ATP13A5: variants seen among roughly 807,000 people sequenced by gnomAD.
ATP13A5 encodes the protein probable cation-transporting ATPase 13A5.
In ATP13A5, 149 loss-of-function variants were observed where a neutral mutation model predicts 150.2. The observed-to-expected ratio is 0.99, with a 90% CI of 0.87 to 1.14. ATP13A5 has a LOEUF of 1.14. Among genes scored for constraint, ATP13A5 ranks in the 50% most tolerant of loss-of-function variants. ATP13A5 has a pLI of 0.00. For synonymous variants in ATP13A5, 497 were observed against 522.2 expected (o/e 0.95, Z 0.66); for missense variants, 1,383 against 1,449.3 (o/e 0.95, Z 0.74).
intron 27 of ATP13A5, among the ~76,000 whole-genome samples, chr3:193,281,488 G>A (rs976352131): frequency 2.0e-5 from 3 of 152,168 alleles, no homozygotes; most frequent in African/African-American, 7.2e-5. Flanking sequence ...TGTTAATGCA[G>A]GTGCTTTAGG....
At chr3:193,319,704 G>C (rs181051642) in intron 16 of ATP13A5, among the ~76,000 whole-genome samples, 1 of 152,288 alleles carries the variant, frequency 6.6e-6, no homozygotes, top group Non-Finnish European at 1.5e-5. Context: ...GGTTCAGTAA[G>C]AACAGACCTC....
intron 9 of ATP13A5, among the ~76,000 whole-genome samples, chr3:193,339,165 T>A (rs960307423): frequency 6.6e-6 from 1 of 152,170 alleles, no homozygotes; most frequent in South Asian, 2.1e-4. Flanking sequence ...ATCAATTTTG[T>A]TGATCTTTTC....
At chr3:193,310,831 G>T in intron 20 of ATP13A5, 114 bp from the exon 21 acceptor site, 1 of 682,704 alleles carries the variant, frequency 1.5e-6, no homozygotes, top group Non-Finnish European at 2.4e-6. Context: ...GCATTGGATG[G>T]TATGTCATTA....
chr3:193,320,333 T>G (rs1719216027), intron 16 of ATP13A5, among the ~76,000 whole-genome samples: 1 of 152,178 alleles, frequency 6.6e-6, no homozygotes, highest in East Asian at 1.9e-4. Flanking sequence ...AGTTCTTAGC[T>G]CTCTATTTCT....
chr3:193,287,970 G>C (rs1717787034), intron 26 of ATP13A5, among the ~76,000 whole-genome samples: 1 of 152,102 alleles, frequency 6.6e-6, no homozygotes, highest in Admixed American at 6.6e-5. Context: ...GACTTTTTGG[G>C]GTTCAAGACT....
intron 3 of ATP13A5, among the ~76,000 whole-genome samples, 154 bp downstream of exon 3, chr3:193,363,082 C>T (rs1037049354): frequency 2.0e-5 from 3 of 152,184 alleles, no homozygotes; most frequent in Non-Finnish European, 2.9e-5. Flanking sequence ...GGATTACAGA[C>T]GTGAACGACC....
At chr3:193,321,460 G>T (rs568922012) in intron 16 of ATP13A5, among the ~76,000 whole-genome samples, 1 of 152,084 alleles carries the variant, frequency 6.6e-6, no homozygotes, top group Non-Finnish European at 1.5e-5. Context: ...GTGAAACCCC[G>T]TCTCTACTAA....
At chr3:193,345,524 C>T (rs1365914687) in intron 7 of ATP13A5, among the ~76,000 whole-genome samples, 5 of 152,042 alleles carry the variant, frequency 3.3e-5, no homozygotes, top group Admixed American at 2.6e-4. Flanking sequence ...CTACAGAACT[C>T]GGAAGTGAGG....
In ATP13A5 at chr3:193,279,410, A is replaced by T. The variant is rs1482313543; in HGVS notation, c.3271T>A (p.Phe1091Ile). The T allele has an allele frequency of 1.2e-6, 2 of 1,613,868 alleles. No individual in the cohort carries two copies. Among genetic ancestry groups the T allele is most frequent in the African/African-American group, 2.7e-5 (2 of 74,922 alleles). ...ACTTGAAAGTCAGAAAACAGAATGA[A>T]AATTGTGAGGCCCAAGGCAGCTAGC... ...LLLAALGLTI[F>I]ILFSDFQVIY... is the part of the protein sequence containing the mutation. Residue 1091 changes from phenylalanine to isoleucine, a missense_variant, in exon 28 of 30, where the codon TTC becomes ATC. Phe to Ile is a conservative substitution (Grantham distance 21). Around this residue, in one of 3 missense-constraint regions of ATP13A5, gnomAD observed 568 missense variants for 621.5 expected, o/e 0.91. Transcript: ENST00000342358.
chr3:193,312,472 T>C (rs532511658), intron 19 of ATP13A5, among the ~76,000 whole-genome samples: 3 of 152,322 alleles, frequency 2.0e-5, no homozygotes, highest in Admixed American at 1.3e-4. Flanking sequence ...TTCTCTTCCA[T>C]ACTCTACATC....
chr3:193,324,463 T>C (rs1384589614), intron 14 of ATP13A5, among the ~76,000 whole-genome samples: 5 of 152,258 alleles, frequency 3.3e-5, no homozygotes, highest in South Asian at 2.1e-4. Flanking sequence ...GTTTCTCTGA[T>C]AGTGTTTTGG....
At chr3:193,297,705 C>A (rs747607187) in intron 25 of ATP13A5, among the ~76,000 whole-genome samples, 2 of 151,960 alleles carry the variant, frequency 1.3e-5, no homozygotes, top group South Asian at 4.2e-4. Context: ...TTCTGAGATG[C>A]GAGACTGAGT....
intron 19 of ATP13A5, among the ~76,000 whole-genome samples, chr3:193,312,159 C>T (rs1715549608): frequency 6.6e-6 from 1 of 152,178 alleles, no homozygotes; most frequent in African/African-American, 2.4e-5. Context: ...CAGTATGGTA[C>T]TCTGGATCCC....
chr3:193,289,707 A>AC (rs1255027892), intron 26 of ATP13A5, among the ~76,000 whole-genome samples, 178 bp downstream of exon 26: 1 of 151,962 alleles, frequency 6.6e-6, no homozygotes, highest in Non-Finnish European at 1.5e-5. Flanking sequence ...ATCTCTTCCC[A>AC]CCCACTCCAC....
intron 7 of ATP13A5, among the ~76,000 whole-genome samples, chr3:193,347,524 C>CTTTTTTTTTT (rs1553820269): frequency 5.3e-4 from 77 of 145,426 alleles, no homozygotes; most frequent in African/African-American, 1.9e-3. Flanking sequence ...CCTTAGATTT[C>CTTTTTTTTTT]TTTTTTTTTT....
intron 28 of ATP13A5, among the ~76,000 whole-genome samples, chr3:193,278,637 A>G (rs1717336407): frequency 6.6e-6 from 1 of 152,186 alleles, no homozygotes. Flanking sequence ...TATTCTTTTG[A>G]ACCCAGGTCA....
At chr3:193,361,965 C>T (rs1388313555) in intron 5 of ATP13A5, among the ~76,000 whole-genome samples, 1 of 152,136 alleles carries the variant, frequency 6.6e-6, no homozygotes, top group Non-Finnish European at 1.5e-5. Context: ...TGGTGAATAA[C>T]ACAACTAACC....
intron 1 of ATP13A5, among the ~76,000 whole-genome samples, chr3:193,365,336 T>C (rs981866118): frequency 3.0e-4 from 45 of 152,066 alleles, no homozygotes; most frequent in African/African-American, 1.0e-3. Context: ...ATCTCTTGGC[T>C]TAAGATTTTT....
chr3:193,365,692 G>C (rs981460192), intron 1 of ATP13A5, among the ~76,000 whole-genome samples: 3 of 152,008 alleles, frequency 2.0e-5, no homozygotes, highest in Non-Finnish European at 2.9e-5. Flanking sequence ...GGACAATTTG[G>C]AATTTTAGTC....
Sources: allele counts gnomAD v4.1 joint callset (sites outside exome capture counted in the v4.1 genomes callset), GRCh38; gene constraint gnomAD v4.1.1; regional missense constraint gnomAD v4.1.1; transcripts MANE v1.5; gene names NCBI Gene and HGNC (gene_info 2026-07-23, HGNC 2026-07-21).